Variants in PLCH1 observed in about 807,000 individuals in gnomAD.
PLCH1 encodes the protein phospholipase C eta 1, also known as 1-phosphatidylinositol 4,5-bisphosphate phosphodiesterase eta-1.
Under a neutral mutation model 126.7 loss-of-function variants are expected in PLCH1, and 60 were observed. The ratio of observed to expected loss-of-function variants is 0.47; its 90% CI spans 0.38 to 0.59. The LOEUF is 0.59. Ranked by LOEUF, PLCH1 falls within the 20% of genes least tolerant of loss-of-function variation. The probability of loss-of-function intolerance (pLI) is 0.00; values close to 1 mark genes in which losing one functional copy is unlikely to be tolerated. For missense variants in PLCH1, 1,723 were observed against 2,040.0 expected, an observed-to-expected ratio of 0.84 and a Z score of 2.99; for synonymous variants, 719 against 734.9, an observed-to-expected ratio of 0.98 and a Z score of 0.35.
At chr3:155,716,946 G>A (rs1216184932) in intron 1 of PLCH1, among the ~76,000 whole-genome samples, 1 of 152,218 alleles carries the variant, frequency 6.6e-6, no homozygotes, top group East Asian at 1.9e-4. Flanking sequence ...CTATGAGCCT[G>A]TAAAACCAAA....
rs183676066 is a variant in PLCH1 at position 155,722,351 on chromosome 3, G to A, written c.-40-18087C>T. ...CTAATTTTGTATTTTCAGTAGAGAC[G>A]GGATTTCTCCATGTTGGTCAGGCTG... On this transcript the variant is annotated intron_variant, in intron 1 of 22. Transcript: ENST00000460012. 1.5e-3 allele frequency among the ~76,000 whole-genome samples: 230 copies of A among 152,026 alleles called. 2 individuals carry two copies. Among genetic ancestry groups the A allele is most frequent in the Middle Eastern group, 0.01 (3 of 292 alleles).
At chr3:155,673,481 A>C (rs911345036) in intron 2 of PLCH1, among the ~76,000 whole-genome samples, 1 of 152,166 alleles carries the variant, frequency 6.6e-6, no homozygotes, top group African/African-American at 2.4e-5. Flanking sequence ...CTCCCTAAAA[A>C]AAACAGCCTG....
intron 21 of PLCH1, among the ~76,000 whole-genome samples, chr3:155,464,233 A>T (rs1318698473): frequency 6.6e-6 from 1 of 152,216 alleles, no homozygotes; most frequent in African/African-American, 2.4e-5. Context: ...TGGGCAAAAG[A>T]GGAAAGGGCA....
chr3:155,472,647 A>G (rs1197127400), intron 21 of PLCH1, among the ~76,000 whole-genome samples: 1 of 151,850 alleles, frequency 6.6e-6, no homozygotes, highest in East Asian at 1.9e-4. Context: ...TTAGACCAAT[A>G]TCCTTGATGA....
intron 2 of PLCH1, among the ~76,000 whole-genome samples, chr3:155,667,903 TAAAAAAA>T (rs35373040): frequency 1.3e-4 from 10 of 75,590 alleles, no homozygotes; most frequent in South Asian, 6.0e-4. Context: ...CATCTCTACT[TAAAAAAA>T]AAAAAAAAAA....
chr3:155,535,436 C>G (rs1723222746), intron 10 of PLCH1, among the ~76,000 whole-genome samples: 1 of 152,148 alleles, frequency 6.6e-6, no homozygotes, highest in African/African-American at 2.4e-5. Flanking sequence ...TGGATATAAA[C>G]TCGGTGCTGG....
chr3:155,647,145 G>A (rs1477832864), intron 2 of PLCH1, among the ~76,000 whole-genome samples: 1 of 152,042 alleles, frequency 6.6e-6, no homozygotes, highest in Non-Finnish European at 1.5e-5. Flanking sequence ...TATCAATGTC[G>A]TATCATGCAG....
chr3:155,666,900 G>GTT (rs1471143616), intron 2 of PLCH1, among the ~76,000 whole-genome samples: 1 of 33,154 alleles, frequency 3.0e-5, no homozygotes, highest in Non-Finnish European at 4.7e-5. Flanking sequence ...TGAGGTGTGT[G>GTT]TGTGTGTGTG....
intron 2 of PLCH1, among the ~76,000 whole-genome samples, chr3:155,598,419 T>C (rs1475677183): frequency 6.6e-6 from 1 of 152,096 alleles, no homozygotes; most frequent in Non-Finnish European, 1.5e-5. Flanking sequence ...CAAGCCAAAA[T>C]TCCCAGAAAA....
At chr3:155,536,638 T>A (rs1299521870) in intron 10 of PLCH1, among the ~76,000 whole-genome samples, 3 of 151,744 alleles carry the variant, frequency 2.0e-5, no homozygotes, top group African/African-American at 7.3e-5. Context: ...GAAAAAAGAA[T>A]TAAAAAAAGA....
intron 2 of PLCH1, among the ~76,000 whole-genome samples, chr3:155,671,580 G>A (rs1317416336): frequency 1.3e-5 from 2 of 152,144 alleles, no homozygotes; most frequent in Non-Finnish European, 2.9e-5. Context: ...ATTATACTAA[G>A]AGAAGTTAGG....
chr3:155,492,128 GAAGT>G (rs1560062960), intron 18 of PLCH1, among the ~76,000 whole-genome samples: 2 of 152,144 alleles, frequency 1.3e-5, no homozygotes, highest in Non-Finnish European at 2.9e-5. Context: ...CAAAGAACCT[GAAGT>G]AATGGATCAG....
intron 18 of PLCH1, 64 bp from the exon 19 acceptor site, chr3:155,490,932 G>T: frequency 1.1e-6 from 1 of 912,248 alleles, no homozygotes; most frequent in Non-Finnish European, 1.8e-6. Context: ...TAATTAATCT[G>T]AGAATATTGG....
At position 155,514,904 on chromosome 3, in the gene PLCH1, A is replaced by G; in HGVS notation, c.1471-20T>C. 6.5e-7 allele frequency: 1 copy of G among 1,543,612 alleles called. No individual in the cohort carries two copies. The highest frequency in any genetic ancestry group is 8.8e-7 in the Non-Finnish European group (1 of 1,135,880). ...ATTACTCTGCAAAGAATTAAGTAACACAAATGATTTCCTTAAGAAACACAC... is the reference window on the plus strand; with the variant it reads ...ATTACTCTGCAAAGAATTAAGTAACGCAAATGATTTCCTTAAGAAACACAC... On this transcript the variant is annotated intron_variant, in intron 11 of 22. Coordinates refer to ENST00000460012, the MANE Select transcript of PLCH1 (RefSeq NM_014996.4).
intron 22 of PLCH1, 151 bp from the exon 23 acceptor site, chr3:155,483,202 GTGTC>G (rs1714467183): frequency 6.6e-6 from 6 of 912,232 alleles, no homozygotes; most frequent in Non-Finnish European, 1.0e-5. Flanking sequence ...TTGCAACAAA[GTGTC>G]TGTGTGATGA....
intron 21 of PLCH1, among the ~76,000 whole-genome samples, chr3:155,460,586 C>A (rs367782285): frequency 6.6e-6 from 1 of 152,064 alleles, no homozygotes; most frequent in Non-Finnish European, 1.5e-5. Context: ...TGTTAGCCCC[C>A]CCTCCAGGCC....
chr3:155,490,886 A>C lies in PLCH1; in HGVS notation c.2308-18T>G. The C allele has an allele frequency of 7.8e-7, 1 of 1,285,674 alleles. No individual in the cohort carries two copies. Among genetic ancestry groups the C allele is most frequent in the Non-Finnish European group, 1.1e-6 (1 of 883,330 alleles). The allele number at this position is 1,285,674 out of a possible 1,614,324, so 79.6% of individuals were successfully genotyped here. A position where few individuals can be genotyped will look rare whatever the true frequency, so the allele number is the denominator to read the frequency against. ...TCAATGATCTATTAAGTAAAGAGAAAGTACTATTACAAATAACATATTTCT... is the reference window on the plus strand; with the variant it reads ...TCAATGATCTATTAAGTAAAGAGAACGTACTATTACAAATAACATATTTCT... On this transcript the variant is annotated intron_variant, in intron 18 of 22. Transcript: ENST00000460012.
chr3:155,600,133 T>A (rs1733526041), intron 2 of PLCH1, among the ~76,000 whole-genome samples: 2 of 152,114 alleles, frequency 1.3e-5, no homozygotes, highest in Admixed American at 1.3e-4. Flanking sequence ...CTTTTCCCTT[T>A]CCCAAACAAG....
At chr3:155,650,724 TAGA>T in intron 2 of PLCH1, among the ~76,000 whole-genome samples, 1 of 152,310 alleles carries the variant, frequency 6.6e-6, no homozygotes, top group African/African-American at 2.4e-5. Context: ...AGACTATGTG[TAGA>T]AGAAGAAATT....
Sources: allele counts gnomAD v4.1 joint callset (sites outside exome capture counted in the v4.1 genomes callset), GRCh38; gene constraint gnomAD v4.1.1; transcripts MANE v1.5; gene names NCBI Gene and HGNC (gene_info 2026-07-23, HGNC 2026-07-21).